The following ATP11A variants were observed in gnomAD, a reference collection of about 807,000 sequenced individuals.
The protein encoded by ATP11A is ATPase phospholipid transporting 11A, also known as phospholipid-transporting ATPase IH.
In ATP11A, 81 loss-of-function variants were observed where a neutral mutation model predicts 154.4. The observed-to-expected ratio is 0.52, with a 90% CI of 0.44 to 0.63. The LOEUF (loss-of-function observed/expected upper bound fraction) is 0.63. Among genes scored for constraint, ATP11A ranks in the 30% least tolerant of loss-of-function variants. ATP11A has a pLI of 0.00. For synonymous variants in ATP11A, 623 were observed against 585.9 expected (o/e 1.06, Z -0.91); for missense variants, 1,316 against 1,474.3 (o/e 0.89, Z 1.76).
rs12853727 is a variant in ATP11A at position 112,865,138 on chromosome 13, C to G, written c.2991+2563C>G. 2.6e-3 allele frequency among the ~76,000 whole-genome samples: 156 copies of G among 59,022 alleles called. 2 individuals are homozygous for G. Among genetic ancestry groups the G allele is most frequent in the Non-Finnish European group, 2.8e-3 (84 of 29,642 alleles). The allele number at this position is 59,022 out of a possible 152,430, so 38.7% of individuals were successfully genotyped here. ...TCCCAGCGGGGTCCATCACCACCTG[C>G]GCAGTAATTCAGTGCAGGCCCGCGC... On this transcript the variant is annotated intron_variant, in intron 25 of 29. Coordinates refer to ENST00000375645, the MANE Select transcript of ATP11A (RefSeq NM_015205.3).
At chr13:112,879,718 C>T (rs1363119332) in intron 29 of ATP11A, among the ~76,000 whole-genome samples, 3 of 152,226 alleles carry the variant, frequency 2.0e-5, no homozygotes, top group East Asian at 1.9e-4. Flanking sequence ...CACGGGAACA[C>T]GCCGTGGCGC....
chr13:112,824,245 T>G, intron 9 of ATP11A, 99 bp from the exon 10 acceptor site: 1 of 920,438 alleles, frequency 1.1e-6, no homozygotes, highest in East Asian at 2.4e-5. Flanking sequence ...TAGGATTCGC[T>G]TTACCCAAGA....
Position 112,776,677 on chromosome 13 carries a change from C to A in ATP11A, c.40-8458C>A, listed in dbSNP as rs141279273. On this transcript the variant is annotated intron_variant, in intron 1 of 29. Transcript: ENST00000375645. ...GTGGCACTGTCCTGGCTCACTGCAA[C>A]CTCCACCTCCCAGGTTCAAGCCATC... Among the ~76,000 whole-genome samples, 706 of 152,300 alleles carry A rather than the reference C, an allele frequency of 4.6e-3. 29 individuals are homozygous for A. The highest frequency in any genetic ancestry group is 0.039 in the Admixed American group (601 of 15,308).
At chr13:112,758,223 G>A (rs112581237) in intron 1 of ATP11A, among the ~76,000 whole-genome samples, 2,096 of 151,926 alleles carry the variant, frequency 0.014, 45 homozygotes, top group African/African-American at 0.04. Flanking sequence ...CACCATGCCT[G>A]GCTAGTTTTT....
intron 1 of ATP11A, among the ~76,000 whole-genome samples, chr13:112,701,756 T>C (rs61093473): frequency 0.065 from 9,811 of 151,514 alleles, 1,134 homozygotes; most frequent in African/African-American, 0.23. Context: ...TGGCGTGAAC[T>C]GGGGAGGCGG....
chr13:112,776,353 C>T (rs2077348887), intron 1 of ATP11A, among the ~76,000 whole-genome samples: 1 of 152,180 alleles, frequency 6.6e-6, no homozygotes, highest in African/African-American at 2.4e-5. Flanking sequence ...GCTCCGTCCT[C>T]TCCCTTGCCC....
chr13:112,831,656 A>G lies in ATP11A; in HGVS notation c.1395+108A>G, dbSNP rs949546085. On this transcript the variant is annotated intron_variant, in intron 13 of 29. Coordinates refer to ENST00000375645, the MANE Select transcript of ATP11A (RefSeq NM_015205.3). ...GTCCAGGAAAATCCAGGCCCTCTCT[A>G]CGGACTTCAGTGGGAGGGATGGTCA... 9.5e-5 allele frequency: 125 copies of G among 1,318,760 alleles called. 2 individuals carry two copies. In the South Asian group the frequency reaches 1.5e-3, roughly 16 times the overall value. 81.7% of individuals were successfully genotyped at this position (1,318,760 alleles called of 1,614,324 possible).
intron 25 of ATP11A, among the ~76,000 whole-genome samples, chr13:112,869,629 G>C (rs956673349): frequency 6.6e-6 from 1 of 152,232 alleles, no homozygotes; most frequent in Non-Finnish European, 1.5e-5. Context: ...GAGGAGAGCT[G>C]GGCAGCGTCA....
chr13:112,791,740 G>T (rs1412024684), intron 2 of ATP11A, among the ~76,000 whole-genome samples: 1 of 152,114 alleles, frequency 6.6e-6, no homozygotes, highest in East Asian at 1.9e-4. Flanking sequence ...CTCCCCCTCG[G>T]CTGGGCCCTT....
intron 1 of ATP11A, among the ~76,000 whole-genome samples, chr13:112,706,626 T>A (rs971120842): frequency 6.6e-6 from 1 of 152,264 alleles, no homozygotes; most frequent in African/African-American, 2.4e-5. Context: ...AAAATTACAT[T>A]TAAGAGTATT....
chr13:112,794,511 C>G (rs760453048), intron 2 of ATP11A, among the ~76,000 whole-genome samples: 12 of 152,226 alleles, frequency 7.9e-5, no homozygotes, highest in Non-Finnish European at 1.8e-4. Flanking sequence ...ATAACTTACT[C>G]TGTGAAACAT....
chr13:112,855,448 G>A (rs2079894066), intron 19 of ATP11A, among the ~76,000 whole-genome samples: 1 of 152,186 alleles, frequency 6.6e-6, no homozygotes, highest in African/African-American at 2.4e-5. Flanking sequence ...AAAGTGCTGG[G>A]ATTACAGGTG....
chr13:112,819,216 G>A, intron 6 of ATP11A, 88 bp from the exon 7 acceptor site: 1 of 1,054,640 alleles, frequency 9.5e-7, no homozygotes, highest in Non-Finnish European at 1.5e-6. Context: ...GGTCAGCCAG[G>A]CTTTGTAATC....
At chr13:112,843,737 G>A (rs115125580) in intron 17 of ATP11A, among the ~76,000 whole-genome samples, 174 of 152,312 alleles carry the variant, frequency 1.1e-3, no homozygotes, top group African/African-American at 4.0e-3. Context: ...AATTCCTGCC[G>A]ATGGACAGGA....
intron 1 of ATP11A, among the ~76,000 whole-genome samples, chr13:112,762,370 G>A (rs1329610932): frequency 6.6e-6 from 1 of 152,124 alleles, no homozygotes; most frequent in Admixed American, 6.5e-5. Flanking sequence ...TATGAGCTGG[G>A]ACCTGAAAGG....
At chr13:112,732,166 C>T (rs117940214) in intron 1 of ATP11A, among the ~76,000 whole-genome samples, 7 of 152,258 alleles carry the variant, frequency 4.6e-5, no homozygotes, top group South Asian at 4.2e-4. Context: ...ATTCAGGGCC[C>T]GTGACGGTCT....
chr13:112,756,436 A>T (rs2076835192), intron 1 of ATP11A, among the ~76,000 whole-genome samples: 1 of 152,114 alleles, frequency 6.6e-6, no homozygotes, highest in Non-Finnish European at 1.5e-5. Context: ...CAGGAGAGGC[A>T]CCTGTATCTG....
rs779066994 is a variant in ATP11A, at chr13:112,816,092, A to G, written c.451A>G (p.Ile151Val). 1.9e-6 allele frequency: 3 copies of G among 1,614,184 alleles called. No homozygotes were observed. Among genetic ancestry groups the G allele is most frequent in the Admixed American group, 3.3e-5 (2 of 60,010 alleles). The change falls in exon 6 of 30, where the codon ATT (isoleucine) becomes GTT (valine). Residue 151 changes from isoleucine to valine, a missense_variant. Around this residue, in one of 5 missense-constraint regions of ATP11A, gnomAD observed 876 missense variants for 1,006.8 expected, o/e 0.87. Coordinates refer to ENST00000375645, the MANE Select transcript of ATP11A (RefSeq NM_015205.3). Reference protein sequence around the residue: ...KQSRKLRVGDIVMVKEDETFP... With the variant: ...KQSRKLRVGDVVMVKEDETFP... ...CTGCTTTGTCCTGTAGGTTGGGGAC[A>G]TTGTCATGGTTAAGGAGGACGAGAC... is the stretch of plus-strand genomic sequence containing the variant.
intron 1 of ATP11A, among the ~76,000 whole-genome samples, chr13:112,728,742 T>G (rs1890171812): frequency 1.3e-5 from 2 of 152,158 alleles, no homozygotes; most frequent in Non-Finnish European, 2.9e-5. Flanking sequence ...TCATGGACCT[T>G]TAACTACAAA....
Sources: allele counts gnomAD v4.1 joint callset (sites outside exome capture counted in the v4.1 genomes callset), GRCh38; gene constraint gnomAD v4.1.1; regional missense constraint gnomAD v4.1.1; transcripts MANE v1.5; gene names NCBI Gene and HGNC (gene_info 2026-07-23, HGNC 2026-07-21).